TBC1D19: variants seen among roughly 807,000 people sequenced by gnomAD.
TBC1D19 encodes TBC1 domain family, member 19.
TBC1D19 carries 60 observed loss-of-function variants against 89.0 expected under a neutral mutation model. The ratio of observed to expected loss-of-function variants is 0.67; its 90% confidence interval spans 0.55 to 0.84. The LOEUF is 0.84. Ranked by LOEUF, TBC1D19 falls within the 40% of genes least tolerant of loss-of-function variation. The probability of loss-of-function intolerance (pLI) is 0.00; values close to 1 mark genes in which losing one functional copy is unlikely to be tolerated. For synonymous variants in TBC1D19, 189 were observed against 199.7 expected (o/e 0.95, Z 0.45); for missense variants, 500 against 610.8 (o/e 0.82, Z 1.91).
rs1222680177 is a variant in TBC1D19, at chr4:26,584,202, G to A, written c.9G>A (p.Gln3=). The A allele has an allele frequency of 6.2e-7, 1 of 1,610,764 alleles. No individual in the cohort carries two copies. The highest frequency in any genetic ancestry group is 8.5e-7 in the Non-Finnish European group (1 of 1,179,000). Residue 3 remains glutamine, a synonymous_variant, in exon 1 of 21, where the codon CAG becomes CAA. Transcript: ENST00000264866. ...GGGCTAGGGCAGGGGAAATGTTGCA[G>A]GAGGAGTCGGACCTCTCTCTCATTA... The part of the protein sequence containing the change: ML[Q]EESDLSLIIA...
At chr4:26,779,313 G>A in the TBC1D19 span, among the ~76,000 whole-genome samples, 45 of 152,310 alleles carry the variant, frequency 3.0e-4, no homozygotes, top group African/African-American at 1.0e-3. Flanking sequence ...GAGCAAAAAA[G>A]GAACTCCGGG....
At chr4:26,735,051 T>C (rs1260312744) in intron 15 of TBC1D19, among the ~76,000 whole-genome samples, 2 of 149,908 alleles carry the variant, frequency 1.3e-5, no homozygotes, top group African/African-American at 5.0e-5. Context: ...TGTACACACA[T>C]GTATATATGT....
At chr4:26,740,569 A>G (rs145014639) in intron 17 of TBC1D19, 2 of 787,772 alleles carry the variant, frequency 2.5e-6, no homozygotes, top group East Asian at 1.3e-4. Context: ...GGAAAAGCAT[A>G]TATTTAGGAG....
At chr4:26,819,019 T>C in the TBC1D19 span, among the ~76,000 whole-genome samples, 1 of 152,172 alleles carries the variant, frequency 6.6e-6, no homozygotes, top group Admixed American at 6.6e-5. Context: ...GAAACAATGG[T>C]TGTGGTATCC....
chr4:26,705,043 C>T (rs1475805788), intron 13 of TBC1D19, among the ~76,000 whole-genome samples: 1 of 151,944 alleles, frequency 6.6e-6, no homozygotes, highest in Non-Finnish European at 1.5e-5. Context: ...TTTTCTTGTG[C>T]TCATTAACCA....
chr4:26,754,979 T>A lies in TBC1D19; in HGVS notation c.*32T>A. On this transcript the variant is annotated 3_prime_UTR_variant, in exon 21 of 21. Coordinates refer to ENST00000264866, the MANE Select transcript of TBC1D19 (RefSeq NM_018317.4). ...TCACAGTCACTGGCAACACATCTAG[T>A]TTTTCATTAGAAACAAATCATGAAC... 1 of 1,572,244 alleles carries A rather than the reference T, an allele frequency of 6.4e-7. No individual in the cohort carries two copies.
At chr4:26,694,111 C>T (rs1035724656) in intron 13 of TBC1D19, among the ~76,000 whole-genome samples, 2 of 152,032 alleles carry the variant, frequency 1.3e-5, no homozygotes, top group Non-Finnish European at 2.9e-5. Context: ...TTGCCTCACC[C>T]GGGAAGCACA....
At chr4:26,780,758 G>A in the TBC1D19 span, among the ~76,000 whole-genome samples, 1 of 152,162 alleles carries the variant, frequency 6.6e-6, no homozygotes, top group Non-Finnish European at 1.5e-5. Context: ...GCTTTTTAGG[G>A]CTGAAATGAG....
At chr4:26,615,276 C>A (rs1035057250) in intron 3 of TBC1D19, among the ~76,000 whole-genome samples, 3 of 152,056 alleles carry the variant, frequency 2.0e-5, no homozygotes, top group African/African-American at 7.2e-5. Context: ...AAAATGTAGA[C>A]CCAGAATGTT....
chr4:26,774,222 T>C, the TBC1D19 span, among the ~76,000 whole-genome samples: 1 of 152,216 alleles, frequency 6.6e-6, no homozygotes, highest in African/African-American at 2.4e-5. Context: ...GGTGGCACAT[T>C]GCTTATACCA....
chr4:26,665,661 G>T (rs1182728277), intron 8 of TBC1D19, among the ~76,000 whole-genome samples: 1 of 152,062 alleles, frequency 6.6e-6, no homozygotes, highest in Non-Finnish European at 1.5e-5. Context: ...AGTTGATTAA[G>T]ATCTGAGTGA....
intron 12 of TBC1D19, among the ~76,000 whole-genome samples, chr4:26,686,484 C>T (rs1482901972): frequency 1.3e-5 from 2 of 151,788 alleles, no homozygotes; most frequent in South Asian, 2.1e-4. Context: ...TTACTATAAT[C>T]TGATAATTTA....
chr4:26,580,568 A>G (rs1256505788), upstream of TBC1D19, among the ~76,000 whole-genome samples: 2 of 152,238 alleles, frequency 1.3e-5, no homozygotes, highest in Non-Finnish European at 2.9e-5. Context: ...TCCCAAAGAC[A>G]GTGAGGCCTG....
chr4:26,712,576 C>T (rs1716272016), intron 13 of TBC1D19, among the ~76,000 whole-genome samples: 1 of 152,036 alleles, frequency 6.6e-6, no homozygotes. Flanking sequence ...TGCATAATCC[C>T]ATTTGTCACA....
the TBC1D19 span, among the ~76,000 whole-genome samples, chr4:26,831,977 C>T: frequency 6.6e-6 from 1 of 152,154 alleles, no homozygotes; most frequent in Admixed American, 6.5e-5. Flanking sequence ...TGTGTACCAA[C>T]TTCAAGCTGC....
the TBC1D19 span, among the ~76,000 whole-genome samples, chr4:26,850,616 A>G: frequency 2.0e-5 from 3 of 151,762 alleles, no homozygotes; most frequent in East Asian, 3.9e-4. Context: ...ACATGCAGGA[A>G]GATGATGTAG....
At chr4:26,694,101 T>C (rs1386740110) in intron 13 of TBC1D19, among the ~76,000 whole-genome samples, 1 of 151,934 alleles carries the variant, frequency 6.6e-6, no homozygotes, top group Non-Finnish European at 1.5e-5. Context: ...GGGTGAGGCA[T>C]TGCCTCACCC....
At chr4:26,698,400 A>T (rs982202281) in intron 13 of TBC1D19, among the ~76,000 whole-genome samples, 1 of 152,194 alleles carries the variant, frequency 6.6e-6, no homozygotes, top group Non-Finnish European at 1.5e-5. Flanking sequence ...ATGCTCATGG[A>T]TAGGAAGAAT....
chr4:26,706,799 A>G (rs1560486382), intron 13 of TBC1D19, among the ~76,000 whole-genome samples: 1 of 151,422 alleles, frequency 6.6e-6, no homozygotes, highest in East Asian at 2.0e-4. Context: ...TGGCTGTTTA[A>G]GACTGTGTTG....
Sources: allele counts gnomAD v4.1 joint callset (sites outside exome capture counted in the v4.1 genomes callset), GRCh38; gene constraint gnomAD v4.1.1; transcripts MANE v1.5; gene names NCBI Gene and HGNC (gene_info 2026-07-23, HGNC 2026-07-21).